Variants in PELO observed in about 807,000 individuals in gnomAD.
The protein encoded by PELO is protein pelota homolog.
A neutral mutation model predicts 25.9 loss-of-function variants in PELO; 19 were observed. That is an observed-to-expected ratio of 0.73 (90% CI 0.51 to 1.08). The LOEUF is 1.08. Ranked by LOEUF, PELO falls within the 50% of genes least tolerant of loss-of-function variation. PELO has a pLI of 0.00. For missense variants in PELO, 498 were observed against 491.4 expected (o/e 1.01, Z -0.13); for synonymous variants, 196 against 192.2 (o/e 1.02, Z -0.16).
At position 52,802,104 on chromosome 5, in the gene PELO, GAAACAGA is replaced by G; in HGVS notation, c.*268_*274del. On this transcript the variant is annotated 3_prime_UTR_variant, in exon 3 of 3. Transcript: ENST00000274311. ...AATTATGAGTTATCTGTAGTACTTG[GAAACAGA>G]AAATGTGTGTATTTAAAGACGATGC... The G allele has an allele frequency of 2.8e-6, 1 of 351,286 alleles. No homozygotes were observed. The highest frequency in any genetic ancestry group is 5.2e-6 in the Non-Finnish European group (1 of 192,130). The allele number at this position is 351,286 out of a possible 1,614,324, so 21.8% of individuals were successfully genotyped here.
rs572468219 is a variant in PELO, at chr5:52,794,148, C to A, written c.-511+5734C>A. ...AAGTAAGAGATCTGAAATGAGAAAT[C>A]ATTGTAATTCAAATATGCAAAGGAG... On this transcript the variant is annotated intron_variant, in intron 1 of 2. Transcript: ENST00000274311. Among the ~76,000 whole-genome samples the A allele has an allele frequency of 3.1e-4, 47 of 151,960 alleles. No individual in the cohort carries two copies. The Middle Eastern group carries it at 0.014, about 44-fold the overall frequency.
chr5:52,800,012 C>T lies in PELO; in HGVS notation c.-383C>T, dbSNP rs1169789042. ...CGCCTCACAGCTTAGTGCGCCTGCG[C>T]ACGCGCGAACTGCGGCCCCGCCTCT... On this transcript the variant is annotated 5_prime_UTR_variant, in exon 2 of 3. Transcript: ENST00000274311. 3.6e-6 allele frequency: 1 copy of T among 279,062 alleles called. No individual in the cohort carries two copies. The highest frequency in any genetic ancestry group is 9.7e-5 in the East Asian group (1 of 10,296). 17.3% of individuals were successfully genotyped at this position (279,062 alleles called of 1,614,324 possible). A position where few individuals can be genotyped will look rare whatever the true frequency, so the allele number is the denominator to read the frequency against.
intron 1 of PELO, among the ~76,000 whole-genome samples, chr5:52,794,500 TACACACACAC>T (rs56996823): frequency 1.9e-4 from 27 of 141,910 alleles, no homozygotes; most frequent in South Asian, 6.8e-4. Flanking sequence ...CAAATAGAAA[TACACACACAC>T]ACACACACAC....
In PELO at chr5:52,801,872, G is replaced by A. The variant is rs1403812689; in HGVS notation, c.*32G>A. ...AAACTTAAAATTGAGACAATCTTGT[G>A]TTTCCTAAACTGTTACAGTACATTT... is the stretch of plus-strand genomic sequence containing the variant. On this transcript the variant is annotated 3_prime_UTR_variant, in exon 3 of 3. Transcript: ENST00000274311. The A allele has an allele frequency of 2.0e-6, 3 of 1,498,100 alleles. No individual in the cohort carries two copies. In the African/African-American group the frequency reaches 4.1e-5, roughly 21 times the overall value. 92.8% of individuals were successfully genotyped at this position (1,498,100 alleles called of 1,614,324 possible).
At chr5:52,795,698 T>G (rs1748327754) in intron 1 of PELO, among the ~76,000 whole-genome samples, 1 of 151,942 alleles carries the variant, frequency 6.6e-6, no homozygotes, top group Non-Finnish European at 1.5e-5. Flanking sequence ...TCTTGTCCCT[T>G]GTTTTGTCTG....
chr5:52,789,053 T>C (rs1210105548), intron 1 of PELO, among the ~76,000 whole-genome samples: 1 of 152,196 alleles, frequency 6.6e-6, no homozygotes, highest in African/African-American at 2.4e-5. Context: ...ATGCAAAATA[T>C]AGTATTGTTA....
intron 1 of PELO, among the ~76,000 whole-genome samples, chr5:52,795,393 A>G (rs1223351878): frequency 6.6e-6 from 1 of 151,876 alleles, no homozygotes; most frequent in Non-Finnish European, 1.5e-5. Flanking sequence ...AAGAAAATTT[A>G]TACAGCCCCG....
In PELO at chr5:52,796,598, ATAAG is replaced by A. The variant is rs765986189; in HGVS notation, c.-510-3281_-510-3278del. Among the ~76,000 whole-genome samples, 10 of 152,168 alleles carry A rather than the reference ATAAG, an allele frequency of 6.6e-5. No homozygotes were observed. In the South Asian group the frequency reaches 1.7e-3, roughly 25 times the overall value. ...TAAGTGAAATACAGTCAATAACAAT[ATAAG>A]TAAGTGCCTTAAGAAATGTCTTGAA... On this transcript the variant is annotated intron_variant, in intron 1 of 2. Transcript: ENST00000274311.
rs1748541968 is a variant in PELO, at chr5:52,803,992, GT to G, written c.*2157del. The G allele has an allele frequency of 6.6e-6, 1 of 151,918 alleles. No homozygotes were observed. The highest frequency in any genetic ancestry group is 1.5e-5 in the Non-Finnish European group (1 of 67,980). 9.4% of individuals were successfully genotyped at this position (151,918 alleles called of 1,614,324 possible). A position where few individuals can be genotyped will look rare whatever the true frequency, so the allele number is the denominator to read the frequency against. ...GTCTATAAAACCTCTATAAATTTCT[GT>G]TTTTATGTCTATGAATTATTAAATA... is the stretch of plus-strand genomic sequence containing the variant. On this transcript the variant is annotated 3_prime_UTR_variant, in exon 3 of 3. Coordinates refer to ENST00000274311, the MANE Select transcript of PELO (RefSeq NM_015946.5).
rs193116129 is a variant in PELO, at chr5:52,791,474, G to C, written c.-511+3060G>C. Reference sequence around the variant, plus strand: ...TGAAGCCCAGCAGAGAAGGAGTAAGGAAAATAAATATACCTCCTTTCCTCC... The same window carrying C: ...TGAAGCCCAGCAGAGAAGGAGTAAGCAAAATAAATATACCTCCTTTCCTCC... On this transcript the variant is annotated intron_variant, in intron 1 of 2. Transcript: ENST00000274311. 1.6e-4 allele frequency among the ~76,000 whole-genome samples: 25 copies of C among 152,202 alleles called. No individual in the cohort carries two copies. In the East Asian group the frequency reaches 4.5e-3, roughly 27 times the overall value.
At chr5:52,795,204 A>G (rs970305815) in intron 1 of PELO, among the ~76,000 whole-genome samples, 1 of 151,970 alleles carries the variant, frequency 6.6e-6, no homozygotes, top group Non-Finnish European at 1.5e-5. Flanking sequence ...GCTGTGTTCC[A>G]GGAGAACAAA....
Position 52,788,288 on chromosome 5 carries a change from C to G in PELO, c.-637C>G, listed in dbSNP as rs1748163955. 1 of 1,283,140 alleles carries G rather than the reference C, an allele frequency of 7.8e-7. No individual in the cohort carries two copies. 79.5% of individuals were successfully genotyped at this position (1,283,140 alleles called of 1,614,324 possible). The stretch of plus-strand genomic sequence containing the variant: ...GGATAAGTGGCCCAGCCAGAGAGCG[C>G]AGCTCCCGCGCCCGGTCCTGCCCTG... On this transcript the variant is annotated 5_prime_UTR_variant, in exon 1 of 3. Transcript: ENST00000274311.
In PELO at chr5:52,800,374, C is replaced by T; in HGVS notation, c.-21C>T. On this transcript the variant is annotated 5_prime_UTR_variant, in exon 2 of 3. Transcript: ENST00000274311. ...ACCTCCTTGGTTCCTTTGGTTCTGTCAGTGAGCCCCTTCCTTGGCCATGAA... is the reference window on the plus strand; with the variant it reads ...ACCTCCTTGGTTCCTTTGGTTCTGTTAGTGAGCCCCTTCCTTGGCCATGAA... 2.5e-6 allele frequency: 4 copies of T among 1,613,066 alleles called. No homozygotes were observed. The highest frequency in any genetic ancestry group is 3.4e-6 in the Non-Finnish European group (4 of 1,179,852).
Position 52,804,002 on chromosome 5 carries a change from CTA to C in PELO, c.*2164_*2165del, listed in dbSNP as rs1355873862. ...CCTCTATAAATTTCTGTTTTTATGT[CTA>C]TGAATTATTAAATAAAATTTAACTC... On this transcript the variant is annotated 3_prime_UTR_variant, in exon 3 of 3. Coordinates refer to ENST00000274311, the MANE Select transcript of PELO (RefSeq NM_015946.5). The C allele has an allele frequency of 3.9e-5, 6 of 152,042 alleles. No homozygotes were observed. The highest frequency in any genetic ancestry group is 1.4e-4 in the African/African-American group (6 of 41,394). 9.4% of individuals were successfully genotyped at this position (152,042 alleles called of 1,614,324 possible). A position where few individuals can be genotyped will look rare whatever the true frequency, so the allele number is the denominator to read the frequency against.
At chr5:52,801,321 C>G in intron 2 of PELO, 88 bp from the exon 3 acceptor site, 1 of 1,212,552 alleles carries the variant, frequency 8.2e-7, no homozygotes, top group Non-Finnish European at 1.2e-6. Context: ...TGAAGCCTTA[C>G]TAGCGCTTTT....
In PELO at chr5:52,791,709, G is replaced by A. The variant is rs1748245089; in HGVS notation, c.-511+3295G>A. Among the ~76,000 whole-genome samples, 3 of 149,094 alleles carry A rather than the reference G, an allele frequency of 2.0e-5. No individual in the cohort carries two copies. The South Asian group carries it at 6.3e-4, about 31-fold the overall frequency. The stretch of plus-strand genomic sequence containing the variant: ...AATTAAGTTTACTAATTGATCACAA[G>A]CAGTCACAGATTTCTTTGTTCTTTT... On this transcript the variant is annotated intron_variant, in intron 1 of 2. Transcript: ENST00000274311.
Position 52,801,086 on chromosome 5 carries a change from A to G in PELO, c.692A>G (p.Lys231Arg), listed in dbSNP as rs1397431189. ...LFQQAVKTDN[K>R]LLLENRSKFL... is the part of the protein sequence containing the mutation. ...CAACAAGCAGTGAAGACCGACAACA[A>G]ACTGCTCCTGGAAAACCGGTCCAAA... Residue 231 changes from lysine to arginine, a missense_variant, in exon 2 of 3, where the codon AAA (lysine) becomes AGA (arginine). Coordinates refer to ENST00000274311, the MANE Select transcript of PELO (RefSeq NM_015946.5). The G allele has an allele frequency of 1.2e-6, 2 of 1,609,308 alleles. No individual in the cohort carries two copies. Among genetic ancestry groups the G allele is most frequent in the African/African-American group, 1.3e-5 (1 of 74,824 alleles).
intron 1 of PELO, among the ~76,000 whole-genome samples, chr5:52,799,330 T>A (rs543905810): frequency 6.6e-6 from 1 of 152,198 alleles, no homozygotes. Flanking sequence ...TTTTCCCCAC[T>A]TCCCATAGCC....
Position 52,801,879 on chromosome 5 carries a change from A to G in PELO, c.*39A>G. 2 of 1,445,774 alleles carry G rather than the reference A, an allele frequency of 1.4e-6. No individual in the cohort carries two copies. Among genetic ancestry groups the G allele is most frequent in the Non-Finnish European group, 1.9e-6 (2 of 1,063,640 alleles). 89.6% of individuals were successfully genotyped at this position (1,445,774 alleles called of 1,614,324 possible). ...AAATTGAGACAATCTTGTGTTTCCTAAACTGTTACAGTACATTTCTCAGCA... is the reference window on the plus strand; with the variant it reads ...AAATTGAGACAATCTTGTGTTTCCTGAACTGTTACAGTACATTTCTCAGCA... On this transcript the variant is annotated 3_prime_UTR_variant, in exon 3 of 3. Transcript: ENST00000274311.
Sources: gnomAD v4.1 joint callset for allele counts (sites outside exome capture counted in the v4.1 genomes callset) on GRCh38, gnomAD v4.1.1 for gene constraint, MANE v1.5 for transcripts, NCBI Gene and HGNC (gene_info 2026-07-23, HGNC 2026-07-21) for gene names.